The following NALCN variants were observed in gnomAD, a reference collection of about 807,000 sequenced individuals.
The protein encoded by NALCN is sodium leak channel NALCN.
In NALCN, 111 loss-of-function variants were observed where a neutral mutation model predicts 225.3. The observed-to-expected ratio is 0.49, with a 90% CI of 0.42 to 0.58. The LOEUF (loss-of-function observed/expected upper bound fraction) is 0.58. NALCN is among the 20% of genes least tolerant of loss of function. The pLI is 0.00. For missense variants in NALCN, 1,378 were observed against 2,202.4 expected (o/e 0.63, Z 7.49); for synonymous variants, 764 against 769.0 (o/e 0.99, Z 0.11).
chr13:101,104,745 C>G lies in NALCN; in HGVS notation c.2637-95G>C, dbSNP rs745421810. The G allele has an allele frequency of 6.8e-5, 106 of 1,569,858 alleles. No homozygotes were observed. Among genetic ancestry groups the G allele is most frequent in the Non-Finnish European group, 9.1e-5 (105 of 1,150,356 alleles). ...GGCTTCTGTGGCTCTATCAACATGA[C>G]TGGTATTTTAAAAACATCATTCCCC... On this transcript the variant is annotated intron_variant, in intron 23 of 43. Coordinates refer to ENST00000251127, the MANE Select transcript of NALCN (RefSeq NM_052867.4). The surrounding 1 kb of genome is among the most constrained non-coding windows in gnomAD (Gnocchi z 4.2).
At chr13:101,320,241 T>G (rs1481654776) in intron 7 of NALCN, among the ~76,000 whole-genome samples, 3 of 152,220 alleles carry the variant, frequency 2.0e-5, no homozygotes, top group Non-Finnish European at 4.4e-5. Flanking sequence ...TAGAAAACCA[T>G]GAGTTTCCTC....
At chr13:101,181,277 G>C (rs574947488) in intron 14 of NALCN, 1 of 518,874 alleles carries the variant, frequency 1.9e-6, no homozygotes. Context: ...GGAGGCTGGA[G>C]AGGAAGGCAG....
chr13:101,080,990 CAG>C (rs2033617280), intron 34 of NALCN, among the ~76,000 whole-genome samples: 3 of 151,926 alleles, frequency 2.0e-5, no homozygotes, highest in Non-Finnish European at 4.4e-5. Flanking sequence ...AGTGAGAACA[CAG>C]ATATAGAGAT....
At chr13:101,109,402 C>T (rs188201277) in intron 20 of NALCN, among the ~76,000 whole-genome samples, 51 of 152,166 alleles carry the variant, frequency 3.4e-4, no homozygotes, top group Middle Eastern at 3.4e-3. Flanking sequence ...TGATTTTGCC[C>T]GGAACACTTA....
chr13:101,367,166 T>C (rs192381897), intron 6 of NALCN, among the ~76,000 whole-genome samples: 1 of 152,118 alleles, frequency 6.6e-6, no homozygotes, highest in Admixed American at 6.6e-5. Flanking sequence ...TTGTATTTAT[T>C]CAATGGACTC....
chr13:101,391,755 C>G (rs557190583), intron 3 of NALCN, among the ~76,000 whole-genome samples: 229 of 151,412 alleles, frequency 1.5e-3, no homozygotes, highest in South Asian at 4.2e-3. Context: ...GAAGCCAAGA[C>G]AGGTGGATCA....
Position 101,191,597 on chromosome 13 carries a change from C to T in NALCN, c.1764+320G>A, listed in dbSNP as rs532621082. The stretch of plus-strand genomic sequence containing the variant: ...GAGAAAAAAAATAATAATGGAGTTC[C>T]GGTTTGATCCTGAGATCATCTAGGT... On this transcript the variant is annotated intron_variant, in intron 14 of 43. Coordinates refer to ENST00000251127, the MANE Select transcript of NALCN (RefSeq NM_052867.4). Among the ~76,000 whole-genome samples the T allele has an allele frequency of 3.9e-4, 59 of 152,010 alleles. 1 individual carries two copies. The highest frequency in any genetic ancestry group is 2.9e-4 in the Non-Finnish European group (20 of 68,018).
Position 101,237,869 on chromosome 13 carries a change from C to A in NALCN, c.1320G>T (p.Leu440Phe). The A allele has an allele frequency of 6.2e-7, 1 of 1,603,852 alleles. No individual in the cohort carries two copies. The highest frequency in any genetic ancestry group is 8.5e-7 in the Non-Finnish European group (1 of 1,175,560). ...DLEALLKIWC[L>F]GFTGYISSSL... ...ATGAGCTAATATATCCAGTAAATCCCAAACACCATATCTTCAGAAGTGCTT... is the reference window on the plus strand; with the variant it reads ...ATGAGCTAATATATCCAGTAAATCCAAAACACCATATCTTCAGAAGTGCTT... The change falls in exon 12 of 44, where the codon TTG (leucine) becomes TTT (phenylalanine). Residue 440 changes from leucine to phenylalanine, a missense_variant. Leu to Phe is a conservative substitution (Grantham distance 22, BLOSUM62 0). This residue lies in a region of NALCN where 144 missense variants were observed against 187.7 expected (regional missense o/e 0.77). Transcript: ENST00000251127.
Position 101,292,434 on chromosome 13 carries a change from A to G in NALCN, c.800-68T>C, listed in dbSNP as rs1306635398. ...TGAAATAAGAAAGCATTTTCCAGAA[A>G]AACAATCAATATTTATCCATACTTA... is the stretch of plus-strand genomic sequence containing the variant. On this transcript the variant is annotated intron_variant, in intron 7 of 43. Coordinates refer to ENST00000251127, the MANE Select transcript of NALCN (RefSeq NM_052867.4). This position sits in a 1 kb window ranked among gnomAD's most constrained non-coding sequence, Gnocchi z 4.3. 3.4e-6 allele frequency: 5 copies of G among 1,492,208 alleles called. No individual in the cohort carries two copies. Among genetic ancestry groups the G allele is most frequent in the Non-Finnish European group, 4.5e-6 (5 of 1,104,626 alleles). The allele number at this position is 1,492,208 out of a possible 1,614,324, so 92.4% of individuals were successfully genotyped here. A position where few individuals can be genotyped will look rare whatever the true frequency, so the allele number is the denominator to read the frequency against.
chr13:101,274,299 A>C (rs1257394269), intron 10 of NALCN, among the ~76,000 whole-genome samples: 1 of 152,242 alleles, frequency 6.6e-6, no homozygotes, highest in African/African-American at 2.4e-5. Flanking sequence ...TGAATAAATG[A>C]ATGAAGAAAC....
At chr13:101,219,969 TCAGA>T (rs1370414427) in intron 13 of NALCN, among the ~76,000 whole-genome samples, 1 of 152,140 alleles carries the variant, frequency 6.6e-6, no homozygotes, top group East Asian at 1.9e-4. Flanking sequence ...TGAATGAAGC[TCAGA>T]CAAATTAAGT....
At chr13:101,230,654 A>G (rs2140136074) in intron 12 of NALCN, among the ~76,000 whole-genome samples, 1 of 152,348 alleles carries the variant, frequency 6.6e-6, no homozygotes, top group East Asian at 1.9e-4. Flanking sequence ...GAAGGCTTGC[A>G]TAGAATACGA....
In NALCN at chr13:101,370,804, A is replaced by G. The variant is rs77458685; in HGVS notation, c.644+5896T>C. Reference sequence around the variant, plus strand: ...ACATAAACTGCACATACGAAAGTGTACAGTTTGATAAGTTTTGGCACATGT... The same window carrying G: ...ACATAAACTGCACATACGAAAGTGTGCAGTTTGATAAGTTTTGGCACATGT... On this transcript the variant is annotated intron_variant, in intron 6 of 43. Coordinates refer to ENST00000251127, the MANE Select transcript of NALCN (RefSeq NM_052867.4). Among the ~76,000 whole-genome samples the G allele has an allele frequency of 4.4e-3, 663 of 152,324 alleles. 33 individuals carry two copies. In the East Asian group the frequency reaches 0.11, roughly 26 times the overall value.
chr13:101,376,558 C>T (rs1009316960), intron 6 of NALCN, 142 bp downstream of exon 6: 2 of 712,892 alleles, frequency 2.8e-6, no homozygotes, highest in South Asian at 7.3e-5. Context: ...TGGACAAAAA[C>T]AATACCGAGG....
At chr13:101,065,638 A>C in intron 39 of NALCN, 77 bp from the exon 40 acceptor site, 2 of 1,462,822 alleles carry the variant, frequency 1.4e-6, no homozygotes, top group Non-Finnish European at 1.8e-6. Context: ...GAAAAAAAAA[A>C]AGGTGCTATT....
At chr13:101,316,768 G>A (rs534518351) in intron 7 of NALCN, among the ~76,000 whole-genome samples, 1 of 152,120 alleles carries the variant, frequency 6.6e-6, no homozygotes, top group South Asian at 2.1e-4. Context: ...TGTTCCAAAG[G>A]TTGGGACCAG....
intron 30 of NALCN, among the ~76,000 whole-genome samples, chr13:101,087,396 C>T (rs1271174428): frequency 1.3e-5 from 2 of 151,322 alleles, no homozygotes; most frequent in Non-Finnish European, 2.9e-5. Context: ...CAGCCTCTGG[C>T]ACCTAGTAGA....
chr13:101,289,915 G>T (rs546223965), intron 9 of NALCN, among the ~76,000 whole-genome samples: 1 of 152,280 alleles, frequency 6.6e-6, no homozygotes, highest in African/African-American at 2.4e-5. Flanking sequence ...CTCGCAAGTG[G>T]CTAGCCAGGG....
At chr13:101,180,202 G>GTTTTTTTT (rs535999438) in intron 14 of NALCN, among the ~76,000 whole-genome samples, 1 of 110,800 alleles carries the variant, frequency 9.0e-6, no homozygotes, top group Non-Finnish European at 2.2e-5. Context: ...TCTCCACCTG[G>GTTTTTTTT]TCTTTTTTTT....
Sources: gnomAD v4.1 joint callset for allele counts (sites outside exome capture counted in the v4.1 genomes callset) on GRCh38, gnomAD v4.1.1 for gene constraint, gnomAD v4.1.1 regional missense constraint, Gnocchi (gnomAD v3.1) non-coding constraint, MANE v1.5 for transcripts, NCBI Gene and HGNC (gene_info 2026-07-23, HGNC 2026-07-21) for gene names.